Variants in SYTL5 observed in about 807,000 individuals in gnomAD.
The protein encoded by SYTL5 is synaptotagmin-like protein 5.
Under a neutral mutation model 55.9 loss-of-function variants are expected in SYTL5, and 34 were observed. The observed-to-expected ratio is 0.61, with a 90% confidence interval of 0.46 to 0.81. The LOEUF is 0.81. SYTL5 is among the 30% of genes least tolerant of loss of function. The pLI, the probability that SYTL5 is intolerant of heterozygous loss-of-function variation, is 0.00. For synonymous variants in SYTL5, 221 were observed against 188.7 expected, an observed-to-expected ratio of 1.17 and a Z score of -1.40; for missense variants, 637 against 546.7, an observed-to-expected ratio of 1.17 and a Z score of -1.65.
the SYTL5 span, among the ~76,000 whole-genome samples, chrX:37,920,155 T>C: frequency 3.0e-3 from 336 of 111,941 alleles, 1 homozygote; most frequent in African/African-American, 0.01. Context: ...TTAATATCCT[T>C]TGTAATCAAT....
rs139142734 is a variant in SYTL5 at position 38,016,257 on chromosome X, C to T, written c.-357+9589C>T. ...AAATAGCTATGGTTTTGGCTCTTGG[C>T]GCAAAAAGTCTAAAATATTTACTAA... On this transcript the variant is annotated intron_variant, in intron 1 of 16. Coordinates refer to ENST00000297875, the MANE Select transcript of SYTL5 (RefSeq NM_138780.3). Among the ~76,000 whole-genome samples the T allele has an allele frequency of 5.4e-3, 600 of 111,661 alleles. 8 individuals are homozygous for T. Among genetic ancestry groups the T allele is most frequent in the Middle Eastern group, 0.014 (3 of 215 alleles).
chrX:37,930,193 T>G, the SYTL5 span, among the ~76,000 whole-genome samples: 3 of 111,869 alleles, frequency 2.7e-5, no homozygotes, highest in East Asian at 8.5e-4. Context: ...GCTTAAGCAT[T>G]GAGATTGCTA....
At chrX:38,052,298 G>A (rs749908035) in intron 2 of SYTL5, among the ~76,000 whole-genome samples, 178 of 112,238 alleles carry the variant, frequency 1.6e-3, no homozygotes, top group African/African-American at 5.4e-3. Flanking sequence ...GAGTCATGGT[G>A]TGTCATTTGT....
intron 6 of SYTL5, among the ~76,000 whole-genome samples, chrX:38,088,565 C>T (rs1936715467): frequency 8.9e-6 from 1 of 112,101 alleles, no homozygotes; most frequent in African/African-American, 3.2e-5. Context: ...ATTGTGAACA[C>T]CTCAAGGGCA....
At chrX:38,066,503 C>T (rs1936104786) in intron 3 of SYTL5, among the ~76,000 whole-genome samples, 1 of 111,611 alleles carries the variant, frequency 9.0e-6, no homozygotes, top group Non-Finnish European at 1.9e-5. Context: ...ACTTACAGTG[C>T]ATAAAGTCTA....
chrX:38,096,862 T>G (rs187120184), intron 9 of SYTL5, among the ~76,000 whole-genome samples: 43 of 111,366 alleles, frequency 3.9e-4, no homozygotes, highest in African/African-American at 1.3e-3. Flanking sequence ...AAATAATATT[T>G]TCTATAGTAC....
At chrX:37,991,584 T>C in the SYTL5 span, among the ~76,000 whole-genome samples, 4 of 110,575 alleles carry the variant, frequency 3.6e-5, no homozygotes, top group South Asian at 1.2e-3. Flanking sequence ...TGGGGGCCTC[T>C]GAGGCTTGTT....
chrX:38,080,129 A>G (rs1295229062), intron 6 of SYTL5, among the ~76,000 whole-genome samples: 2 of 111,303 alleles, frequency 1.8e-5, no homozygotes, highest in Non-Finnish European at 3.8e-5. Flanking sequence ...AGGTCTCTGA[A>G]GGTGGCAGGT....
the SYTL5 span, among the ~76,000 whole-genome samples, chrX:37,927,046 A>G: frequency 1.8e-5 from 2 of 112,154 alleles, no homozygotes; most frequent in Non-Finnish European, 3.8e-5. Flanking sequence ...CTTTACCTAC[A>G]AAAAGATGGC....
intron 15 of SYTL5, among the ~76,000 whole-genome samples, chrX:38,124,801 T>A (rs1250589602): frequency 8.9e-6 from 1 of 112,001 alleles, no homozygotes; most frequent in African/African-American, 3.2e-5. Context: ...TATCCACCAA[T>A]TTCTCAAACT....
At chrX:37,927,648 C>T in the SYTL5 span, among the ~76,000 whole-genome samples, 27 of 110,264 alleles carry the variant, frequency 2.4e-4, no homozygotes, top group Admixed American at 1.1e-3. Context: ...TGTGGTGGTG[C>T]GCACCTGTAG....
chrX:38,020,874 AT>A (rs1602309805), intron 1 of SYTL5, among the ~76,000 whole-genome samples: 1 of 111,910 alleles, frequency 8.9e-6, no homozygotes, highest in Non-Finnish European at 1.9e-5. Flanking sequence ...GGAAGTAGAT[AT>A]TAATATGCCC....
In SYTL5 at chrX:38,071,948, A is replaced by G. The variant is rs750514395; in HGVS notation, c.330-99A>G. 2.6e-5 allele frequency: 14 copies of G among 535,087 alleles called. No individual in the cohort carries two copies. In the South Asian group the frequency reaches 3.7e-4, roughly 14 times the overall value. The allele number at this position is 535,087 out of a possible 1,213,427, so 44.1% of individuals were successfully genotyped here. On this transcript the variant is annotated intron_variant, in intron 3 of 16. Coordinates refer to ENST00000297875, the MANE Select transcript of SYTL5 (RefSeq NM_138780.3). ...TACTCCAGAGATTGAGATAAACTTT[A>G]TAAATAATTTGCTGTTTTCAGTTTA...
Position 38,127,364 on chromosome X carries a change from T to C in SYTL5, c.*634T>C, listed in dbSNP as rs1937682286. On this transcript the variant is annotated 3_prime_UTR_variant, in exon 17 of 17. Coordinates refer to ENST00000297875, the MANE Select transcript of SYTL5 (RefSeq NM_138780.3). The stretch of plus-strand genomic sequence containing the variant: ...TAAATAACTACATCAGAACGATTGA[T>C]GTTGATTAGAATTGACCTGGGAAAA... 1 of 112,276 alleles carries C rather than the reference T, an allele frequency of 8.9e-6. No individual in the cohort carries two copies. Among genetic ancestry groups the C allele is most frequent in the Admixed American group, 9.4e-5 (1 of 10,634 alleles). The allele number at this position is 112,276 out of a possible 1,213,427, so 9.3% of individuals were successfully genotyped here.
the SYTL5 span, among the ~76,000 whole-genome samples, chrX:37,988,733 G>A: frequency 1.8e-5 from 2 of 112,114 alleles, no homozygotes; most frequent in African/African-American, 6.5e-5. Flanking sequence ...AATGTCAAAG[G>A]TGTTGCTGGT....
intron 7 of SYTL5, among the ~76,000 whole-genome samples, chrX:38,090,270 A>G (rs1481964601): frequency 8.9e-6 from 1 of 112,327 alleles, no homozygotes; most frequent in Non-Finnish European, 1.9e-5. Context: ...TTAAATCTGG[A>G]AAAGTAGAAC....
chrX:37,938,322 C>A, the SYTL5 span, among the ~76,000 whole-genome samples: 5 of 112,394 alleles, frequency 4.4e-5, no homozygotes, highest in African/African-American at 1.6e-4. Context: ...AGTAGAAAAT[C>A]TTTCTGCTCT....
chrX:37,959,293 C>A, the SYTL5 span, among the ~76,000 whole-genome samples: 1 of 111,840 alleles, frequency 8.9e-6, no homozygotes, highest in African/African-American at 3.3e-5. Flanking sequence ...TTTTGCCAGT[C>A]CTGCTGACTG....
At chrX:37,893,664 A>ATAGTT in the SYTL5 span, among the ~76,000 whole-genome samples, 1 of 57,117 alleles carries the variant, frequency 1.8e-5, no homozygotes, top group African/African-American at 1.9e-4. Context: ...TATAAAATCT[A>ATAGTT]TATATATAAT....
Sources: allele counts gnomAD v4.1 joint callset (sites outside exome capture counted in the v4.1 genomes callset), GRCh38; gene constraint gnomAD v4.1.1; transcripts MANE v1.5; gene names NCBI Gene and HGNC (gene_info 2026-07-23, HGNC 2026-07-21).